The following CACNA1A variants were observed in gnomAD, a reference collection of about 807,000 sequenced individuals.
CACNA1A encodes voltage-dependent P/Q-type calcium channel subunit alpha-1A.
In CACNA1A, 57 loss-of-function variants were observed where a neutral mutation model predicts 262.4. The observed-to-expected ratio is 0.22, with a 90% CI of 0.18 to 0.27. The LOEUF (loss-of-function observed/expected upper bound fraction) is 0.27, where lower values mean the gene tolerates loss of function less well. CACNA1A is among the 10% of genes least tolerant of loss of function. The pLI is 1.00. For synonymous variants in CACNA1A, 1,431 were observed against 1,419.3 expected, an observed-to-expected ratio of 1.01 and a Z score of -0.18; for missense variants, 2,526 against 3,562.8, an observed-to-expected ratio of 0.71 and a Z score of 7.41.
rs2054939966 is a variant in CACNA1A at position 13,214,853 on chromosome 19, G to A, written c.5732-245C>T. On this transcript the variant is annotated intron_variant, in intron 38 of 46. Coordinates refer to ENST00000360228, the MANE Select transcript of CACNA1A (RefSeq NM_001127222.2). This position sits in a 1 kb window ranked among gnomAD's most constrained non-coding sequence, Gnocchi z 4.1. ...AGCTGTGCAGGAGACAGCCCGGCAT[G>A]GAGAACAGCTGGGCGACCTGGGTCC... The A allele has an allele frequency of 2.0e-6, 1 of 512,424 alleles. No individual in the cohort carries two copies. The highest frequency in any genetic ancestry group is 3.1e-5 in the East Asian group (1 of 32,556). The allele number at this position is 512,424 out of a possible 1,614,324, so 31.7% of individuals were successfully genotyped here. A position where few individuals can be genotyped will look rare whatever the true frequency, so the allele number is the denominator to read the frequency against.
At chr19:13,266,238 A>G (rs1183832605) in intron 24 of CACNA1A, among the ~76,000 whole-genome samples, 2 of 151,862 alleles carry the variant, frequency 1.3e-5, no homozygotes, top group Admixed American at 1.3e-4. Context: ...TAAATTAAAG[A>G]GATGGAATCT....
intron 1 of CACNA1A, among the ~76,000 whole-genome samples, chr19:13,472,268 G>A (rs1203997649): frequency 6.6e-6 from 1 of 151,828 alleles, no homozygotes; most frequent in East Asian, 1.9e-4. Flanking sequence ...ACCATGCCCA[G>A]CTAAAAAATA....
chr19:13,267,116 G>A (rs893468560), intron 24 of CACNA1A, among the ~76,000 whole-genome samples: 24 of 152,192 alleles, frequency 1.6e-4, no homozygotes, highest in Middle Eastern at 3.4e-3. Context: ...GACAGATCAC[G>A]AGAGACAGAA....
chr19:13,429,588 G>C (rs987297123), intron 3 of CACNA1A, among the ~76,000 whole-genome samples: 1 of 150,200 alleles, frequency 6.7e-6, no homozygotes, highest in Non-Finnish European at 1.5e-5. Context: ...GGCCCCAGTG[G>C]GTCAAATCTT....
intron 1 of CACNA1A, among the ~76,000 whole-genome samples, chr19:13,478,950 G>C (rs1249167595): frequency 6.6e-6 from 1 of 152,188 alleles, no homozygotes; most frequent in Non-Finnish European, 1.5e-5. Context: ...GAGGTGGGTG[G>C]ATCACCTGAG....
At chr19:13,270,812 T>C (rs1169990363) in intron 24 of CACNA1A, among the ~76,000 whole-genome samples, 2 of 152,150 alleles carry the variant, frequency 1.3e-5, no homozygotes, top group Non-Finnish European at 2.9e-5. Flanking sequence ...TCGGCCATGA[T>C]ATAAAGATGC....
intron 1 of CACNA1A, among the ~76,000 whole-genome samples, chr19:13,505,022 A>C (rs753526127): frequency 1.3e-5 from 2 of 152,012 alleles, no homozygotes; most frequent in African/African-American, 2.4e-5. Flanking sequence ...ATGGGTGCTG[A>C]TTCTCCTGGT....
At chr19:13,382,525 G>A (rs778889043) in intron 3 of CACNA1A, among the ~76,000 whole-genome samples, 1 of 152,226 alleles carries the variant, frequency 6.6e-6, no homozygotes, top group Non-Finnish European at 1.5e-5. Flanking sequence ...CTCAGGGTAT[G>A]TGGTAGGGGA....
chr19:13,345,067 C>G (rs1042476490), intron 6 of CACNA1A, among the ~76,000 whole-genome samples: 1 of 151,950 alleles, frequency 6.6e-6, no homozygotes, highest in Non-Finnish European at 1.5e-5. Flanking sequence ...CTTGGTGGAT[C>G]ATTTAAATAA....
intron 24 of CACNA1A, chr19:13,275,235 C>A (rs2144829838): frequency 6.5e-6 from 1 of 153,282 alleles, no homozygotes; most frequent in African/African-American, 2.4e-5. Context: ...GGAATGGCCA[C>A]CCAGAACTTG....
At chr19:13,328,820 G>A (rs1480567823) in intron 10 of CACNA1A, among the ~76,000 whole-genome samples, 3 of 151,886 alleles carry the variant, frequency 2.0e-5, no homozygotes, top group East Asian at 1.9e-4. Context: ...AGGGGCGAGC[G>A]ATAAAAGGGG....
chr19:13,301,639 G>T (rs1039686076), intron 17 of CACNA1A, among the ~76,000 whole-genome samples: 2 of 152,248 alleles, frequency 1.3e-5, no homozygotes, highest in African/African-American at 4.8e-5. Context: ...CAGCCTTCAT[G>T]CAGGGCCTCA....
intron 3 of CACNA1A, among the ~76,000 whole-genome samples, chr19:13,438,882 G>A (rs1463592814): frequency 6.6e-6 from 1 of 152,006 alleles, no homozygotes; most frequent in African/African-American, 2.4e-5. Flanking sequence ...TTGATTATAG[G>A]TGCACGCCAC....
In CACNA1A at chr19:13,214,317, C is replaced by T. The variant is rs779787185; in HGVS notation, c.5856G>A (p.Val1952=). The T allele has an allele frequency of 1.2e-6, 2 of 1,612,794 alleles. No homozygotes were observed. Among genetic ancestry groups the T allele is most frequent in the Non-Finnish European group, 1.7e-6 (2 of 1,179,856 alleles). The part of the protein sequence containing the change: ...VTPHKSTDLT[V]GKIYAAMMIM... ...TCATCATGGCTGCGTAGATCTTCCC[C>T]ACGGTGAGGTCCGTGGCTGGGGGCA... Residue 1952 remains valine (V), a synonymous_variant, in exon 40 of 47, where the codon GTG becomes GTA. Coordinates refer to ENST00000360228, the MANE Select transcript of CACNA1A (RefSeq NM_001127222.2). The surrounding 1 kb of genome is among the most constrained non-coding windows in gnomAD (Gnocchi z 4.1).
At position 13,214,113 on chromosome 19, in the gene CACNA1A, C is replaced by T; in HGVS notation, c.5940+120G>A. The T allele has an allele frequency of 1.3e-6, 1 of 743,680 alleles. No homozygotes were observed. Among genetic ancestry groups the T allele is most frequent in the South Asian group, 1.7e-5 (1 of 60,296 alleles). 46.1% of individuals were successfully genotyped at this position (743,680 alleles called of 1,614,324 possible). A position where few individuals can be genotyped will look rare whatever the true frequency, so the allele number is the denominator to read the frequency against. On this transcript the variant is annotated intron_variant, in intron 40 of 46. Transcript: ENST00000360228. The surrounding 1 kb of genome is among the most constrained non-coding windows in gnomAD (Gnocchi z 4.1). ...TGCAGGTGTGAGCTGCTGTGCACAG[C>T]CCCTACTTTTCAGGGACCTGCCCTG...
chr19:13,313,589 G>C (rs2058076216), intron 11 of CACNA1A, among the ~76,000 whole-genome samples: 1 of 150,114 alleles, frequency 6.7e-6, no homozygotes, highest in Admixed American at 6.7e-5. Flanking sequence ...AAAGGAATGA[G>C]AAAAATATCA....
At chr19:13,430,630 A>C (rs545113731) in intron 3 of CACNA1A, among the ~76,000 whole-genome samples, 2 of 152,334 alleles carry the variant, frequency 1.3e-5, no homozygotes, top group Admixed American at 1.3e-4. Flanking sequence ...CAAATTATTT[A>C]GTGAATACTT....
intron 6 of CACNA1A, among the ~76,000 whole-genome samples, chr19:13,358,000 T>C (rs925518509): frequency 2.0e-5 from 3 of 151,998 alleles, no homozygotes; most frequent in African/African-American, 7.3e-5. Flanking sequence ...GAGGGAGACC[T>C]TGTCTCCAAA....
chr19:13,213,295 A>G (rs2054885592), intron 40 of CACNA1A, among the ~76,000 whole-genome samples: 1 of 152,074 alleles, frequency 6.6e-6, no homozygotes, highest in Admixed American at 6.6e-5. Flanking sequence ...CCTTCCAGGT[A>G]TTGCTTAGCT....
Sources: gnomAD v4.1 joint callset for allele counts (sites outside exome capture counted in the v4.1 genomes callset) on GRCh38, gnomAD v4.1.1 for gene constraint, Gnocchi (gnomAD v3.1) non-coding constraint, MANE v1.5 for transcripts, NCBI Gene and HGNC (gene_info 2026-07-23, HGNC 2026-07-21) for gene names.